GRAMD1B: variants seen among roughly 807,000 people sequenced by gnomAD.
GRAMD1B encodes protein Aster-B.
GRAMD1B carries 37 observed loss-of-function variants against 99.7 expected under a neutral mutation model. That is an observed-to-expected ratio of 0.37 (90% CI 0.29 to 0.49). GRAMD1B has a LOEUF of 0.49. Among genes scored for constraint, GRAMD1B ranks in the 20% least tolerant of loss-of-function variants. The pLI is 0.98. For synonymous variants in GRAMD1B, 427 were observed against 387.6 expected (o/e 1.10, Z -1.19); for missense variants, 888 against 1,009.2 (o/e 0.88, Z 1.63).
At chr11:123,461,855 C>T (rs1950430384) in intron 1 of GRAMD1B, among the ~76,000 whole-genome samples, 1 of 152,050 alleles carries the variant, frequency 6.6e-6, no homozygotes, top group South Asian at 2.1e-4. Flanking sequence ...ATACCCCCGC[C>T]TCAGCCTCCC....
chr11:123,409,013 T>C (rs966651365), intron 1 of GRAMD1B, among the ~76,000 whole-genome samples: 2 of 152,250 alleles, frequency 1.3e-5, no homozygotes, highest in African/African-American at 2.4e-5. Context: ...TATTATTATT[T>C]ACCCAGAGAC....
chr11:123,365,633 T>C (rs1226162666), intron 1 of GRAMD1B, among the ~76,000 whole-genome samples: 2 of 152,166 alleles, frequency 1.3e-5, no homozygotes, highest in African/African-American at 4.8e-5. Context: ...CAGGTAGGGG[T>C]CTACAAGCAT....
chr11:123,498,513 C>G (rs7125665), intron 2 of GRAMD1B, among the ~76,000 whole-genome samples: 31,006 of 152,180 alleles, frequency 0.2, 3,366 homozygotes, highest in Middle Eastern at 0.28. Context: ...ACGGTAATTG[C>G]TCACCCAACA....
chr11:123,581,915 G>A (rs7121651), intron 3 of GRAMD1B, among the ~76,000 whole-genome samples: 8,460 of 152,310 alleles, frequency 0.056, 352 homozygotes, highest in African/African-American at 0.12. Context: ...GGGCAGGAGG[G>A]AGCCCCGTGC....
intron 1 of GRAMD1B, among the ~76,000 whole-genome samples, chr11:123,359,638 C>A (rs1417343839): frequency 2.0e-5 from 3 of 152,032 alleles, no homozygotes; most frequent in Non-Finnish European, 4.4e-5. Context: ...GGGCCTGGAG[C>A]AATTGTGAAG....
In GRAMD1B at chr11:123,517,669, C is replaced by G. The variant is rs1195556648; in HGVS notation, c.452+36776C>G. Among the ~76,000 whole-genome samples, 5 of 152,296 alleles carry G rather than the reference C, an allele frequency of 3.3e-5. No homozygotes were observed. In the East Asian group the frequency reaches 9.6e-4, roughly 29 times the overall value. ...ACCGGGGGTGGTGTCAGTCCCTGTT[C>G]AATGAAGAATGCGGTTTTTCTGCAC... On this transcript the variant is annotated intron_variant, in intron 2 of 19. Coordinates refer to ENST00000635736, the MANE Select transcript of GRAMD1B (RefSeq NM_001387025.1).
chr11:123,449,397 G>C (rs1275759092), intron 1 of GRAMD1B, among the ~76,000 whole-genome samples: 1 of 152,200 alleles, frequency 6.6e-6, no homozygotes, highest in Non-Finnish European at 1.5e-5. Context: ...GATTTTCATG[G>C]AATTCTACGA....
chr11:123,621,486 T>G (rs1350803119), intron 19 of GRAMD1B, among the ~76,000 whole-genome samples: 1 of 152,182 alleles, frequency 6.6e-6, no homozygotes, highest in Non-Finnish European at 1.5e-5. Flanking sequence ...GTTCTAGTCC[T>G]AGCAAACATG....
upstream of GRAMD1B, among the ~76,000 whole-genome samples, chr11:123,426,893 G>A (rs1948672531): frequency 6.6e-6 from 1 of 152,224 alleles, no homozygotes; most frequent in Non-Finnish European, 1.5e-5. Flanking sequence ...GTAATAGACA[G>A]GTGTTGGGTG....
At chr11:123,497,541 A>G (rs919971941) in intron 2 of GRAMD1B, among the ~76,000 whole-genome samples, 1 of 152,188 alleles carries the variant, frequency 6.6e-6, no homozygotes, top group African/African-American at 2.4e-5. Context: ...GAGTCCAGAG[A>G]TGCTGTCTTA....
At chr11:123,530,403 G>A (rs375338351) in intron 2 of GRAMD1B, among the ~76,000 whole-genome samples, 1 of 152,196 alleles carries the variant, frequency 6.6e-6, no homozygotes, top group East Asian at 1.9e-4. Context: ...TTGAGACAGA[G>A]TTTCACTCTT....
At chr11:123,443,772 C>T (rs758683876) in intron 1 of GRAMD1B, among the ~76,000 whole-genome samples, 35 of 152,046 alleles carry the variant, frequency 2.3e-4, no homozygotes, top group Admixed American at 3.3e-4. Context: ...TAGTAGAGAT[C>T]GGGTTTCACC....
At chr11:123,602,588 C>T (rs549388596) in intron 8 of GRAMD1B, among the ~76,000 whole-genome samples, 1 of 152,108 alleles carries the variant, frequency 6.6e-6, no homozygotes, top group Non-Finnish European at 1.5e-5. Flanking sequence ...ACACTTATCC[C>T]TGCCACCTTC....
intron 19 of GRAMD1B, chr11:123,619,645 T>C (rs950597466): frequency 3.3e-6 from 1 of 305,098 alleles, no homozygotes; most frequent in African/African-American, 2.3e-5. Flanking sequence ...TCAGTGGCAC[T>C]GCACTGATAG....
chr11:123,392,535 A>G (rs774697970), intron 1 of GRAMD1B, among the ~76,000 whole-genome samples: 1 of 151,842 alleles, frequency 6.6e-6, no homozygotes, highest in Non-Finnish European at 1.5e-5. Context: ...CTATAAAGCT[A>G]TGGAATTATG....
intron 3 of GRAMD1B, among the ~76,000 whole-genome samples, chr11:123,581,496 G>A (rs974771044): frequency 1.3e-5 from 2 of 152,188 alleles, no homozygotes; most frequent in African/African-American, 4.8e-5. Context: ...GCAGAACCAC[G>A]GGGATTGAAT....
chr11:123,610,871 C>T lies in GRAMD1B; in HGVS notation c.1919+533C>T, dbSNP rs747530445. 1.3e-5 allele frequency among the ~76,000 whole-genome samples: 2 copies of T among 152,164 alleles called. No individual in the cohort carries two copies. Among genetic ancestry groups the T allele is most frequent in the African/African-American group, 2.4e-5 (1 of 41,440 alleles). ...TTCCCAGCACCCAGCTGGGCCTGCA[C>T]GTATCAGAGTCCAGAGAACACTTAT... On this transcript the variant is annotated intron_variant, in intron 14 of 19. Transcript: ENST00000635736. The surrounding 1 kb of genome is among the most constrained non-coding windows in gnomAD (Gnocchi z 4.1).
intron 7 of GRAMD1B, among the ~76,000 whole-genome samples, chr11:123,597,006 A>G (rs1951350846): frequency 1.3e-5 from 2 of 152,174 alleles, no homozygotes; most frequent in African/African-American, 4.8e-5. Flanking sequence ...GGGATCTTGT[A>G]GAAGAAACAG....
intron 1 of GRAMD1B, among the ~76,000 whole-genome samples, chr11:123,465,110 G>A (rs950289887): frequency 4.6e-5 from 7 of 152,068 alleles, no homozygotes; most frequent in African/African-American, 1.7e-4. Flanking sequence ...CTTTTTGTCC[G>A]AGCCATGGAT....
Sources: gnomAD v4.1 joint callset for allele counts (sites outside exome capture counted in the v4.1 genomes callset) on GRCh38, gnomAD v4.1.1 for gene constraint, Gnocchi (gnomAD v3.1) non-coding constraint, MANE v1.5 for transcripts, NCBI Gene and HGNC (gene_info 2026-07-23, HGNC 2026-07-21) for gene names.